Variants in TRIM37 observed in about 807,000 individuals in gnomAD.
The protein encoded by TRIM37 is tripartite motif containing 37.
In TRIM37, 80 loss-of-function variants were observed where a neutral mutation model predicts 129.8. That is an observed-to-expected ratio of 0.62 (90% CI 0.51 to 0.74). TRIM37 has a LOEUF of 0.74. TRIM37 is among the 30% of genes least tolerant of loss of function. The pLI, the probability that TRIM37 is intolerant of heterozygous loss-of-function variation, is 0.00. For synonymous variants in TRIM37, 389 were observed against 387.1 expected, an observed-to-expected ratio of 1.00 and a Z score of -0.06; for missense variants, 1,054 against 1,176.5, an observed-to-expected ratio of 0.90 and a Z score of 1.52.
intron 17 of TRIM37, among the ~76,000 whole-genome samples, chr17:59,037,557 C>CA (rs58856834): frequency 0.024 from 1,771 of 73,716 alleles, 97 homozygotes; most frequent in Middle Eastern, 0.03. Flanking sequence ...GACTCTGTCT[C>CA]AAAAAAAAAA....
intron 1 of TRIM37, among the ~76,000 whole-genome samples, chr17:59,104,918 C>A (rs1227511893): frequency 6.6e-6 from 1 of 151,730 alleles, no homozygotes; most frequent in Non-Finnish European, 1.5e-5. Context: ...ATGGTTAAAC[C>A]CCGTCTCTAC....
Position 59,070,943 on chromosome 17 carries a change from C to A in TRIM37, c.689G>T (p.Arg230Leu). The change falls in exon 9 of 24, where the codon CGG becomes CTG. Residue 230 changes from arginine (R) to leucine (L), a missense_variant. This residue lies in a region of TRIM37 where 752 missense variants were observed against 870.8 expected (regional missense o/e 0.86). Coordinates refer to ENST00000262294, the MANE Select transcript of TRIM37 (RefSeq NM_015294.6). ...TATCAACTCACTCTTACTACAAGAC[C>A]GCAACTGTGTGAGGAAAAAAATTAT... is the stretch of plus-strand genomic sequence containing the variant. Reference protein sequence around the residue: ...SLLQEVEHQLRSCSKSELISK... With the variant: ...SLLQEVEHQLLSCSKSELISK... The A allele has an allele frequency of 6.2e-7, 1 of 1,613,274 alleles. No individual in the cohort carries two copies. The highest frequency in any genetic ancestry group is 1.1e-5 in the South Asian group (1 of 90,836).
At chr17:59,080,123 C>T (rs1989277232) in intron 6 of TRIM37, among the ~76,000 whole-genome samples, 1 of 152,156 alleles carries the variant, frequency 6.6e-6, no homozygotes, top group Admixed American at 6.5e-5. Flanking sequence ...ACAAAGAAGA[C>T]ATCTGCTTTT....
downstream of TRIM37, among the ~76,000 whole-genome samples, chr17:58,978,679 C>G (rs2031174882): frequency 6.6e-6 from 1 of 152,022 alleles, no homozygotes; most frequent in African/African-American, 2.4e-5. Context: ...CCACTGCACT[C>G]CAGCCTGGGC....
chr17:59,061,071 A>G lies in TRIM37; in HGVS notation c.980T>C (p.Val327Ala). The change falls in exon 12 of 24, where the codon GTG (valine) becomes GCG (alanine). Residue 327 changes from valine to alanine, a missense_variant. Transcript: ENST00000262294. ...CAAGCCAGCTGAGAGCTCCAGAAAC[A>G]CAGATAAGTAGTAACCTCGCACAAC... ...NGVVRGYYLS[V>A]FLELSAGLPE... The G allele has an allele frequency of 6.2e-7, 1 of 1,613,734 alleles. No individual in the cohort carries two copies. Among genetic ancestry groups the G allele is most frequent in the Non-Finnish European group, 8.5e-7 (1 of 1,179,740 alleles).
At chr17:59,060,215 T>C (rs1488918101) in intron 12 of TRIM37, among the ~76,000 whole-genome samples, 1 of 152,186 alleles carries the variant, frequency 6.6e-6, no homozygotes, top group East Asian at 1.9e-4. Context: ...CTGAAAACTC[T>C]CTCAAGGCTG....
chr17:59,103,444 C>T (rs1297834719), intron 2 of TRIM37, among the ~76,000 whole-genome samples: 8 of 151,174 alleles, frequency 5.3e-5, no homozygotes, highest in East Asian at 2.0e-4. Context: ...TGGGTTCAAG[C>T]GATTCTCCTG....
chr17:58,994,659 G>T (rs1400181760), downstream of TRIM37, among the ~76,000 whole-genome samples: 1 of 152,114 alleles, frequency 6.6e-6, no homozygotes, highest in Admixed American at 6.6e-5. Context: ...GGGGACTTGA[G>T]CATCTGTGGA....
chr17:58,973,787 C>T, the TRIM37 span, among the ~76,000 whole-genome samples: 17 of 151,820 alleles, frequency 1.1e-4, no homozygotes, highest in Non-Finnish European at 2.1e-4. Context: ...CCCGTCTCTA[C>T]TAAAAATATA....
Position 59,028,427 on chromosome 17 carries a change from A to AACAATT in TRIM37, c.2239_2244dup (p.Asn747_Cys748dup). ...ACATATTACTTACAGTTTCGTATGT[A>AACAATT]ACAATTGGCAACTGATGACTTTGCC... is the stretch of plus-strand genomic sequence containing the variant. On this transcript the variant is annotated inframe_insertion, in exon 19 of 24. Transcript: ENST00000262294. 1 of 1,612,764 alleles carries AACAATT rather than the reference A, an allele frequency of 6.2e-7. No homozygotes were observed. The highest frequency in any genetic ancestry group is 2.2e-5 in the East Asian group (1 of 44,882).
At chr17:58,982,905 G>C in exon 25 of TRIM37, 5 of 1,573,416 alleles carry the variant, frequency 3.2e-6, no homozygotes, top group Non-Finnish European at 4.3e-6. Flanking sequence ...TGCAGTGTCA[G>C]TTTCAAATCA....
At chr17:59,004,298 T>C (rs1354407209) in intron 22 of TRIM37, among the ~76,000 whole-genome samples, 2 of 151,600 alleles carry the variant, frequency 1.3e-5, no homozygotes, top group Non-Finnish European at 2.9e-5. Context: ...ATATCAAAAT[T>C]TGTGGGATGT....
rs752417927 is a variant in TRIM37 at position 59,057,055 on chromosome 17, C to G, written c.1020-1G>C. ...AACCATCTCTACACGATATTCATAT[C>G]TAAAATTGAAAAACAGACCATTACT... On this transcript the variant is annotated splice_acceptor_variant, in intron 12 of 23. Coordinates refer to ENST00000262294, the MANE Select transcript of TRIM37 (RefSeq NM_015294.6). LOFTEE classifies it high-confidence loss of function. 7 of 1,613,142 alleles carry G rather than the reference C, an allele frequency of 4.3e-6. No individual in the cohort carries two copies. The East Asian group carries it at 1.6e-4, about 36-fold the overall frequency.
intron 23 of TRIM37, among the ~76,000 whole-genome samples, chr17:59,000,720 A>G (rs2144479383): frequency 6.6e-6 from 1 of 152,354 alleles, no homozygotes; most frequent in South Asian, 2.1e-4. Flanking sequence ...GGGAATAAAA[A>G]TTATTTCATA....
chr17:59,032,283 T>C (rs2037938929), intron 17 of TRIM37, among the ~76,000 whole-genome samples, 193 bp from the exon 18 acceptor site: 1 of 150,670 alleles, frequency 6.6e-6, no homozygotes, highest in African/African-American at 2.4e-5. Flanking sequence ...CCCAGCACTT[T>C]GGGAGGCCGA....
At chr17:59,010,368 T>C (rs903236364) in intron 22 of TRIM37, among the ~76,000 whole-genome samples, 2 of 152,168 alleles carry the variant, frequency 1.3e-5, no homozygotes, top group African/African-American at 2.4e-5. Flanking sequence ...GTGGCCTAAA[T>C]GGCAATGGTG....
At chr17:59,105,717 G>C (rs756882041) in intron 1 of TRIM37, among the ~76,000 whole-genome samples, 1 of 152,128 alleles carries the variant, frequency 6.6e-6, no homozygotes, top group African/African-American at 2.4e-5. Flanking sequence ...AACCTGCAAC[G>C]GGGTGGACAA....
intron 9 of TRIM37, among the ~76,000 whole-genome samples, chr17:59,070,348 T>C (rs1036343457): frequency 1.3e-5 from 2 of 152,192 alleles, no homozygotes; most frequent in African/African-American, 4.8e-5. Flanking sequence ...TTTCTGAGTT[T>C]TGTGTTAGGA....
chr17:59,015,309 G>A lies in TRIM37; in HGVS notation c.2576+301C>T, dbSNP rs538661050. Among the ~76,000 whole-genome samples the A allele has an allele frequency of 5.0e-5, 7 of 141,280 alleles. No individual in the cohort carries two copies. The East Asian group carries it at 1.5e-3, about 29-fold the overall frequency. The allele number at this position is 141,280 out of a possible 152,430, so 92.7% of individuals were successfully genotyped here. A position where few individuals can be genotyped will look rare whatever the true frequency, so the allele number is the denominator to read the frequency against. ...ACAAAAATTAGCAGGGTGTGGTGGC[G>A]GGCACCTGTAATCCCAGCTACTTGG... On this transcript the variant is annotated intron_variant, in intron 21 of 23. Coordinates refer to ENST00000262294, the MANE Select transcript of TRIM37 (RefSeq NM_015294.6).
Sources: gnomAD v4.1 joint callset for allele counts (sites outside exome capture counted in the v4.1 genomes callset) on GRCh38, gnomAD v4.1.1 for gene constraint, gnomAD v4.1.1 regional missense constraint, MANE v1.5 for transcripts, NCBI Gene and HGNC (gene_info 2026-07-23, HGNC 2026-07-21) for gene names.